The following CYP2J2 variants were observed in gnomAD, a reference collection of about 807,000 sequenced individuals.
CYP2J2 encodes cytochrome P450 2J2.
Under a neutral mutation model 48.8 loss-of-function variants are expected in CYP2J2, and 41 were observed. That is an observed-to-expected ratio of 0.84 (90% CI 0.66 to 1.09). The LOEUF (loss-of-function observed/expected upper bound fraction) is 1.09, where lower values mean the gene tolerates loss of function less well. CYP2J2 is among the 50% of genes least tolerant of loss of function. The pLI, the probability that CYP2J2 is intolerant of heterozygous loss-of-function variation, is 0.00. For synonymous variants in CYP2J2, 221 were observed against 227.1 expected, an observed-to-expected ratio of 0.97 and a Z score of 0.24; for missense variants, 644 against 617.3, an observed-to-expected ratio of 1.04 and a Z score of -0.46.
At chr1:59,893,892 G>C in intron 8 of CYP2J2, 63 bp from the exon 9 acceptor site, 1 of 1,485,320 alleles carries the variant, frequency 6.7e-7, no homozygotes, top group East Asian at 2.3e-5. Context: ...AGCAGAGATT[G>C]CTATCCTCAA....
the CYP2J2 span, among the ~76,000 whole-genome samples, chr1:59,950,146 C>G: frequency 6.6e-6 from 1 of 152,184 alleles, no homozygotes; most frequent in African/African-American, 2.4e-5. Context: ...AAGCCATGGA[C>G]TCCATTTCCG....
At chr1:59,954,330 GGTTCA>G in the CYP2J2 span, among the ~76,000 whole-genome samples, 4 of 152,112 alleles carry the variant, frequency 2.6e-5, no homozygotes, top group African/African-American at 9.7e-5. Context: ...AAATCACTTT[GGTTCA>G]GTTAATACTG....
chr1:59,895,724 T>A lies in CYP2J2; in HGVS notation c.1331-1895A>T, dbSNP rs191072891. On this transcript the variant is annotated intron_variant, in intron 8 of 8. Coordinates refer to ENST00000371204, the MANE Select transcript of CYP2J2 (RefSeq NM_000775.4). ...TGCAGGTTAGTTACATATGTATACA[T>A]GTGCCATGCTGGTGCGCTGCACCCA... Among the ~76,000 whole-genome samples, 68 of 152,338 alleles carry A rather than the reference T, an allele frequency of 4.5e-4. No homozygotes were observed. The South Asian group carries it at 5.8e-3, about 13-fold the overall frequency.
At chr1:59,941,292 G>A in the CYP2J2 span, among the ~76,000 whole-genome samples, 1 of 152,160 alleles carries the variant, frequency 6.6e-6, no homozygotes, top group African/African-American at 2.4e-5. Flanking sequence ...TAGTGGAGCT[G>A]AAAAATTCCT....
chr1:59,915,358 C>T (rs965404747), intron 2 of CYP2J2, among the ~76,000 whole-genome samples: 3 of 152,110 alleles, frequency 2.0e-5, no homozygotes, highest in Non-Finnish European at 4.4e-5. Context: ...GAAGGGCTGG[C>T]CCCCTTCATA....
intron 8 of CYP2J2, among the ~76,000 whole-genome samples, chr1:59,900,240 C>T (rs1236272833): frequency 6.6e-6 from 1 of 152,224 alleles, no homozygotes; most frequent in Non-Finnish European, 1.5e-5. Context: ...TCTCCTTCCC[C>T]TTGTCCCTCT....
chr1:59,944,734 T>C, the CYP2J2 span, among the ~76,000 whole-genome samples: 7 of 152,290 alleles, frequency 4.6e-5, no homozygotes, highest in African/African-American at 1.7e-4. Context: ...GACATTTAGT[T>C]TCAATTTTAT....
At chr1:59,907,986 G>A (rs891123238) in intron 5 of CYP2J2, 59 bp from the exon 6 acceptor site, 91 of 1,544,282 alleles carry the variant, frequency 5.9e-5, no homozygotes, top group Non-Finnish European at 7.5e-5. Context: ...CCTGATTGCC[G>A]TAACACAAAG....
the CYP2J2 span, among the ~76,000 whole-genome samples, chr1:59,954,221 AAAGG>A: frequency 1.3e-5 from 2 of 152,204 alleles, no homozygotes; most frequent in Admixed American, 6.5e-5. Flanking sequence ...TGAATGAGAA[AAAGG>A]AAGACTATGT....
intron 3 of CYP2J2, 134 bp from the exon 4 acceptor site, chr1:59,911,902 A>G (rs745919457): frequency 2.7e-5 from 25 of 922,450 alleles, no homozygotes; most frequent in Non-Finnish European, 3.9e-5. Flanking sequence ...ATGACCTTAC[A>G]CTGCATCTGA....
At chr1:59,915,721 G>A (rs1199648254) in intron 2 of CYP2J2, among the ~76,000 whole-genome samples, 1 of 152,172 alleles carries the variant, frequency 6.6e-6, no homozygotes, top group African/African-American at 2.4e-5. Context: ...AGGGCATGTG[G>A]TTTCTCCCAA....
rs11572322 is a variant in CYP2J2 at position 59,896,640 on chromosome 1, A to G, written c.1331-2811T>C. Among the ~76,000 whole-genome samples, 218 of 151,762 alleles carry G rather than the reference A, an allele frequency of 1.4e-3. 1 individual carries two copies. The highest frequency in any genetic ancestry group is 5.1e-3 in the African/African-American group (212 of 41,358). On this transcript the variant is annotated intron_variant, in intron 8 of 8. Coordinates refer to ENST00000371204, the MANE Select transcript of CYP2J2 (RefSeq NM_000775.4). ...CTCAGCTTCCACCACCCCCTCCCCT[A>G]TGTGAATGTCCTCCTCACCCCACCT...
At chr1:59,917,954 A>G (rs1177109812) in intron 1 of CYP2J2, among the ~76,000 whole-genome samples, 1 of 152,192 alleles carries the variant, frequency 6.6e-6, no homozygotes, top group African/African-American at 2.4e-5. Context: ...CGGAGCAAAT[A>G]CAGTGGATTC....
chr1:59,946,135 T>A, the CYP2J2 span, among the ~76,000 whole-genome samples: 3 of 152,196 alleles, frequency 2.0e-5, no homozygotes, highest in Non-Finnish European at 2.9e-5. Flanking sequence ...AAAGCCACCA[T>A]CCTCATGATG....
At chr1:59,902,243 G>GT (rs1171577752) in intron 7 of CYP2J2, among the ~76,000 whole-genome samples, 1 of 152,106 alleles carries the variant, frequency 6.6e-6, no homozygotes, top group African/African-American at 2.4e-5. Context: ...ACCACAGTGA[G>GT]TTTTTTCCTT....
At chr1:59,909,496 T>G (rs1644392908) in intron 5 of CYP2J2, among the ~76,000 whole-genome samples, 1 of 152,124 alleles carries the variant, frequency 6.6e-6, no homozygotes, top group South Asian at 2.1e-4. Flanking sequence ...GCTTTGAAGA[T>G]GAAGGAGGGG....
the CYP2J2 span, among the ~76,000 whole-genome samples, chr1:59,936,861 T>C: frequency 6.6e-6 from 1 of 152,220 alleles, no homozygotes; most frequent in East Asian, 1.9e-4. Flanking sequence ...ATACTAACTT[T>C]AGGAATAAAT....
chr1:59,896,232 G>A (rs1046712485), intron 8 of CYP2J2, among the ~76,000 whole-genome samples: 3 of 151,848 alleles, frequency 2.0e-5, no homozygotes, highest in Non-Finnish European at 2.9e-5. Context: ...ATATCAGTGG[G>A]CAGAGCTAAG....
At position 59,893,716 on chromosome 1, in the gene CYP2J2, TC is replaced by T; in HGVS notation, c.1443del (p.Lys482SerfsTer40). The T allele has an allele frequency of 6.2e-7, 1 of 1,613,392 alleles. No individual in the cohort carries two copies. The highest frequency in any genetic ancestry group is 8.5e-7 in the Non-Finnish European group (1 of 1,179,700). On this transcript the variant is annotated frameshift_variant, in exon 9 of 9. Transcript: ENST00000371204. LOFTEE classifies it low-confidence loss of function (END_TRUNC). Reference protein sequence around the residue: ...FRPPNNEKLSLKFRMGITISP... With the variant: ...FRPPNNEKLSXKFRMGITISP... ...GAAATGGTGATACCCATTCTAAACT[TC>T]AGGCTCAGCTTCTCATTGTTTGGGG...
Sources: allele counts gnomAD v4.1 joint callset (sites outside exome capture counted in the v4.1 genomes callset), GRCh38; gene constraint gnomAD v4.1.1; transcripts MANE v1.5; gene names NCBI Gene and HGNC (gene_info 2026-07-23, HGNC 2026-07-21).